The following ADAMTS19 variants were observed in gnomAD, a reference collection of about 807,000 sequenced individuals.
ADAMTS19 encodes A disintegrin and metalloproteinase with thrombospondin motifs 19.
Under a neutral mutation model 153.3 loss-of-function variants are expected in ADAMTS19, and 93 were observed. The ratio of observed to expected loss-of-function variants is 0.61; its 90% CI spans 0.51 to 0.72. The LOEUF (loss-of-function observed/expected upper bound fraction) is 0.72, where lower values mean the gene tolerates loss of function less well. Among genes scored for constraint, ADAMTS19 ranks in the 30% least tolerant of loss-of-function variants. ADAMTS19 has a pLI of 0.00. For missense variants in ADAMTS19, 1,482 were observed against 1,552.1 expected, an observed-to-expected ratio of 0.95 and a Z score of 0.76; for synonymous variants, 600 against 556.6, an observed-to-expected ratio of 1.08 and a Z score of -1.10.
intron 18 of ADAMTS19, among the ~76,000 whole-genome samples, chr5:129,691,941 T>C (rs550570278): frequency 6.6e-6 from 1 of 152,312 alleles, no homozygotes; most frequent in East Asian, 1.9e-4. Flanking sequence ...TTGGGTTATT[T>C]ATTCTGTGAC....
intron 2 of ADAMTS19, among the ~76,000 whole-genome samples, chr5:129,480,426 A>T (rs1232846775): frequency 1.3e-5 from 2 of 152,204 alleles, no homozygotes; most frequent in African/African-American, 4.8e-5. Context: ...TATTAAAATC[A>T]TCTCTTTTTC....
At chr5:129,595,784 CAT>C (rs1241883529) in intron 7 of ADAMTS19, among the ~76,000 whole-genome samples, 1 of 151,978 alleles carries the variant, frequency 6.6e-6, no homozygotes, top group Non-Finnish European at 1.5e-5. Context: ...TTGAAAATAA[CAT>C]TATAACTTAC....
rs779642486 is a variant in ADAMTS19, at chr5:129,641,972, G to A, written c.1872+12G>A. 8 of 1,548,106 alleles carry A rather than the reference G, an allele frequency of 5.2e-6. No homozygotes were observed. The Admixed American group carries it at 5.3e-5, about 10-fold the overall frequency. On this transcript the variant is annotated intron_variant, in intron 11 of 22. Coordinates refer to ENST00000274487, the MANE Select transcript of ADAMTS19 (RefSeq NM_133638.6). ...GTGACCTTGGTAAGGTAAGTCATTT[G>A]TGTTGTCTGAATTTAATGAGCATAC...
chr5:129,611,531 T>C (rs1336678423), intron 8 of ADAMTS19, among the ~76,000 whole-genome samples: 2 of 152,188 alleles, frequency 1.3e-5, no homozygotes, highest in Non-Finnish European at 2.9e-5. Flanking sequence ...CCCAGCACCA[T>C]TTATTAAATA....
chr5:129,719,408 A>G lies in ADAMTS19; in HGVS notation c.3312+15017A>G, dbSNP rs79220743. On this transcript the variant is annotated intron_variant, in intron 21 of 22. Transcript: ENST00000274487. ...AGTAATCTAAATATTCAGAGTGACA[A>G]ATGACTAGCTAGTACTGAAACAGTA... Among the ~76,000 whole-genome samples the G allele has an allele frequency of 8.5e-5, 13 of 152,284 alleles. No homozygotes were observed. In the East Asian group the frequency reaches 2.5e-3, roughly 29 times the overall value.
chr5:129,697,509 A>T (rs1189504545), intron 19 of ADAMTS19, among the ~76,000 whole-genome samples: 1 of 152,254 alleles, frequency 6.6e-6, no homozygotes, highest in Non-Finnish European at 1.5e-5. Flanking sequence ...TGCATAAGGG[A>T]AAAGTAATGG....
chr5:129,577,957 T>C (rs1749233523), intron 7 of ADAMTS19, among the ~76,000 whole-genome samples: 1 of 151,372 alleles, frequency 6.6e-6, no homozygotes, highest in Non-Finnish European at 1.5e-5. Flanking sequence ...TCCTCTTTTT[T>C]ACTTCCTTTT....
intron 7 of ADAMTS19, among the ~76,000 whole-genome samples, chr5:129,562,014 C>T (rs1263618822): frequency 1.3e-5 from 2 of 152,082 alleles, no homozygotes; most frequent in Non-Finnish European, 2.9e-5. Flanking sequence ...GAAAAATAGT[C>T]ATAATACCAT....
At position 129,509,176 on chromosome 5, in the gene ADAMTS19, A is replaced by T. The variant is rs768974827; in HGVS notation, c.847A>T (p.Arg283Trp). 1 of 1,612,270 alleles carries T rather than the reference A, an allele frequency of 6.2e-7. No individual in the cohort carries two copies. Among genetic ancestry groups the T allele is most frequent in the Non-Finnish European group, 8.5e-7 (1 of 1,178,826 alleles). ...GHPHRVYRQK[R>W]SMEEKVTEKS... ...CCCACACCGTGTATATAGGCAGAAAAGGTCCATGGAGGAAAAGGTCACAGA... is the reference window on the plus strand; with the variant it reads ...CCCACACCGTGTATATAGGCAGAAATGGTCCATGGAGGAAAAGGTCACAGA... Residue 283 changes from arginine (R) to tryptophan (W), a missense_variant, in exon 3 of 23, where the codon AGG becomes TGG. Coordinates refer to ENST00000274487, the MANE Select transcript of ADAMTS19 (RefSeq NM_133638.6).
intron 8 of ADAMTS19, among the ~76,000 whole-genome samples, chr5:129,618,969 A>G (rs1047173235): frequency 2.0e-5 from 3 of 152,068 alleles, no homozygotes; most frequent in South Asian, 2.1e-4. Context: ...TGGAGAGTGA[A>G]CCAAAAGTAA....
intron 7 of ADAMTS19, among the ~76,000 whole-genome samples, chr5:129,575,588 A>G (rs1489322676): frequency 2.0e-5 from 3 of 152,136 alleles, no homozygotes; most frequent in Non-Finnish European, 4.4e-5. Context: ...AGAAAGTCTA[A>G]GAACTCTGAC....
At chr5:129,610,940 CT>C (rs1209788209) in intron 8 of ADAMTS19, among the ~76,000 whole-genome samples, 2 of 152,180 alleles carry the variant, frequency 1.3e-5, no homozygotes, top group Admixed American at 1.3e-4. Context: ...TCCACATCCT[CT>C]CCAGCACCTG....
intron 8 of ADAMTS19, among the ~76,000 whole-genome samples, chr5:129,609,423 T>C (rs1700074118): frequency 6.6e-6 from 1 of 152,198 alleles, no homozygotes; most frequent in Admixed American, 6.5e-5. Flanking sequence ...TTAGTAGTAT[T>C]ATAGTTATTT....
intron 7 of ADAMTS19, among the ~76,000 whole-genome samples, chr5:129,560,717 T>C (rs1448856359): frequency 6.6e-6 from 1 of 152,258 alleles, no homozygotes. Context: ...GTACTTTATG[T>C]ATGTATTTTT....
At chr5:129,598,750 A>T (rs919207606) in intron 8 of ADAMTS19, among the ~76,000 whole-genome samples, 3 of 152,134 alleles carry the variant, frequency 2.0e-5, no homozygotes, top group African/African-American at 7.2e-5. Context: ...TTTTGATGTC[A>T]CCATTTTTAA....
At position 129,525,581 on chromosome 5, in the gene ADAMTS19, A is replaced by C. The variant is rs536786995; in HGVS notation, c.914-703A>C. 2.1e-3 allele frequency among the ~76,000 whole-genome samples: 320 copies of C among 152,142 alleles called. 1 individual carries two copies. The highest frequency in any genetic ancestry group is 7.1e-3 in the African/African-American group (297 of 41,548). ...GTCACTTGGTGGCATGATTTCCACT[A>C]TGATAGTGGAAATGTTTTAATAGAA... On this transcript the variant is annotated intron_variant, in intron 3 of 22. Coordinates refer to ENST00000274487, the MANE Select transcript of ADAMTS19 (RefSeq NM_133638.6).
chr5:129,689,679 C>G (rs1755245734), intron 18 of ADAMTS19, among the ~76,000 whole-genome samples: 1 of 152,166 alleles, frequency 6.6e-6, no homozygotes, highest in East Asian at 1.9e-4. Context: ...CCTGCCTCAG[C>G]CTCCCAAACT....
intron 16 of ADAMTS19, 151 bp downstream of exon 16, chr5:129,665,730 T>C (rs1445657428): frequency 7.1e-6 from 4 of 566,302 alleles, no homozygotes; most frequent in African/African-American, 1.9e-5. Flanking sequence ...AGGAAAATTT[T>C]TCCTTCTCTC....
At chr5:129,626,815 CTAATA>C (rs1258477995) in intron 10 of ADAMTS19, among the ~76,000 whole-genome samples, 1 of 152,062 alleles carries the variant, frequency 6.6e-6, no homozygotes, top group Admixed American at 6.5e-5. Flanking sequence ...AAATGCATAT[CTAATA>C]TGTTAGTTGA....
Sources: allele counts gnomAD v4.1 joint callset (sites outside exome capture counted in the v4.1 genomes callset), GRCh38; gene constraint gnomAD v4.1.1; transcripts MANE v1.5; gene names NCBI Gene and HGNC (gene_info 2026-07-23, HGNC 2026-07-21).